Variants in ESYT2 observed in about 807,000 individuals in gnomAD.
ESYT2 encodes extended synaptotagmin-2.
A neutral mutation model predicts 107.2 loss-of-function variants in ESYT2; 54 were observed. That is an observed-to-expected ratio of 0.50 (90% CI 0.40 to 0.63). ESYT2 has a LOEUF of 0.63. Ranked by LOEUF, ESYT2 falls within the 30% of genes least tolerant of loss-of-function variation. ESYT2 has a pLI of 0.00. For synonymous variants in ESYT2, 491 were observed against 434.1 expected, an observed-to-expected ratio of 1.13 and a Z score of -1.63; for missense variants, 1,020 against 1,094.5, an observed-to-expected ratio of 0.93 and a Z score of 0.96.
intron 1 of ESYT2, among the ~76,000 whole-genome samples, chr7:158,800,853 C>T (rs929804894): frequency 2.6e-5 from 4 of 152,090 alleles, no homozygotes; most frequent in African/African-American, 7.2e-5. Flanking sequence ...CTCAGCCTCC[C>T]GAGAAGCTGG....
chr7:158,772,374 A>G (rs556560040), intron 7 of ESYT2, among the ~76,000 whole-genome samples: 1 of 152,348 alleles, frequency 6.6e-6, no homozygotes, highest in South Asian at 2.1e-4. Context: ...AAAACTCTTT[A>G]GAAAGGCCAT....
intron 6 of ESYT2, among the ~76,000 whole-genome samples, chr7:158,783,531 CT>C (rs1437032620): frequency 6.6e-6 from 1 of 152,202 alleles, no homozygotes; most frequent in Non-Finnish European, 1.5e-5. Flanking sequence ...AGTCCCAGGA[CT>C]TCTGAGAGCT....
chr7:158,745,509 G>T (rs1002438910), intron 16 of ESYT2, among the ~76,000 whole-genome samples: 6 of 152,214 alleles, frequency 3.9e-5, no homozygotes, highest in African/African-American at 1.4e-4. Context: ...CTGACCTACT[G>T]ACATTCATGA....
In ESYT2 at chr7:158,781,261, GA is replaced by G. The variant is rs761797992; in HGVS notation, c.747+6742del. Among the ~76,000 whole-genome samples the G allele has an allele frequency of 9.1e-4, 137 of 151,104 alleles. No individual in the cohort carries two copies. The South Asian group carries it at 0.015, about 16-fold the overall frequency. On this transcript the variant is annotated intron_variant, in intron 6 of 22. Transcript: ENST00000275418. ...AGAATGAGTGAGAACCAGTGTGAGT[GA>G]ACAAGTGAGTGAACGAGTGTGAGAA...
At chr7:158,814,301 A>G (rs1840081223) in intron 1 of ESYT2, among the ~76,000 whole-genome samples, 1 of 4,834 alleles carries the variant, frequency 2.1e-4, no homozygotes, top group Non-Finnish European at 7.3e-4. Flanking sequence ...ATATATATAT[A>G]TATATATATA....
chr7:158,782,301 T>C (rs1838894544), intron 6 of ESYT2, among the ~76,000 whole-genome samples: 1 of 121,670 alleles, frequency 8.2e-6, no homozygotes. Flanking sequence ...GTGAAACAAG[T>C]GAACAAGTGT....
At chr7:158,788,320 T>A in intron 5 of ESYT2, 25 bp downstream of exon 5, 1 of 1,584,306 alleles carries the variant, frequency 6.3e-7, no homozygotes, top group Non-Finnish European at 8.6e-7. Flanking sequence ...ACTGTCAAAT[T>A]AAAACAAAAA....
chr7:158,783,051 G>T (rs1298635174), intron 6 of ESYT2, among the ~76,000 whole-genome samples: 1 of 152,170 alleles, frequency 6.6e-6, no homozygotes, highest in Non-Finnish European at 1.5e-5. Flanking sequence ...CGTGCCTCAG[G>T]ATGCTGGGAG....
intron 19 of ESYT2, among the ~76,000 whole-genome samples, chr7:158,738,358 C>A (rs1246978990): frequency 5.1e-4 from 76 of 150,364 alleles, no homozygotes; most frequent in Middle Eastern, 3.4e-3. Context: ...CACACACACA[C>A]ACACACACAC....
intron 6 of ESYT2, among the ~76,000 whole-genome samples, chr7:158,774,187 T>C (rs985830933): frequency 5.9e-5 from 9 of 152,244 alleles, no homozygotes; most frequent in African/African-American, 2.2e-4. Context: ...ATCACCCATA[T>C]AGTTGAGTAA....
At chr7:158,742,439 A>C (rs1218476769) in intron 17 of ESYT2, among the ~76,000 whole-genome samples, 1 of 152,202 alleles carries the variant, frequency 6.6e-6, no homozygotes, top group African/African-American at 2.4e-5. Context: ...ATTTCTACAC[A>C]ATTGTGGGAC....
At chr7:158,782,218 AAC>A (rs1280005922) in intron 6 of ESYT2, among the ~76,000 whole-genome samples, 1 of 119,952 alleles carries the variant, frequency 8.3e-6, no homozygotes, top group African/African-American at 2.9e-5. Context: ...AACGTGTGAG[AAC>A]AGATGTGAGT....
Position 158,788,005 on chromosome 7 carries a change from G to A in ESYT2, c.746C>T (p.Pro249Leu). The stretch of plus-strand genomic sequence containing the variant: ...AAAATGAAATAAATATTGACTTACT[G>A]GTTTCCTAAGGAAGAAGATAGACAA... ...GALSIFFLRK[P>L]LLEINWTGLT... The change falls in exon 6 of 23, where the codon CCA becomes CTA. Residue 249 changes from proline to leucine, a missense_variant and splice_region_variant. By Grantham distance (98) the Pro-to-Leu change is moderately conservative (BLOSUM62 -3). Transcript: ENST00000275418. 6.2e-7 allele frequency: 1 copy of A among 1,610,178 alleles called. No individual in the cohort carries two copies. The highest frequency in any genetic ancestry group is 8.5e-7 in the Non-Finnish European group (1 of 1,176,636).
chr7:158,731,714 C>T lies in ESYT2; in HGVS notation c.*2493G>A, dbSNP rs1019932199. ...CTAACAGAGCTGCACTTCAAATTTA[C>T]TAAGTTAATTAATTTTCCCTTCATT... On this transcript the variant is annotated 3_prime_UTR_variant, in exon 23 of 23. Coordinates refer to ENST00000275418, the MANE Select transcript of ESYT2 (RefSeq NM_001367773.1). The T allele has an allele frequency of 6.6e-6, 1 of 152,656 alleles. No individual in the cohort carries two copies. The highest frequency in any genetic ancestry group is 1.5e-5 in the Non-Finnish European group (1 of 68,042). The allele number at this position is 152,656 out of a possible 1,614,324, so 9.5% of individuals were successfully genotyped here. A position where few individuals can be genotyped will look rare whatever the true frequency, so the allele number is the denominator to read the frequency against.
chr7:158,807,254 GAAAAA>G (rs372309924), intron 1 of ESYT2, among the ~76,000 whole-genome samples: 45 of 117,232 alleles, frequency 3.8e-4, no homozygotes, highest in Middle Eastern at 4.5e-3. Flanking sequence ...CCGTCTGAAG[GAAAAA>G]AAAAAAAAAA....
At chr7:158,814,287 T>TTA (rs58908927) in intron 1 of ESYT2, among the ~76,000 whole-genome samples, 2 of 66,908 alleles carry the variant, frequency 3.0e-5, no homozygotes, top group African/African-American at 1.4e-4. Context: ...AAAAAAAAAA[T>TTA]TATATATATA....
chr7:158,746,179 G>A (rs1837392998), intron 16 of ESYT2, among the ~76,000 whole-genome samples: 1 of 151,764 alleles, frequency 6.6e-6, no homozygotes, highest in Non-Finnish European at 1.5e-5. Context: ...TCAGGAGTTC[G>A]AGACCAGCCT....
intron 7 of ESYT2, among the ~76,000 whole-genome samples, chr7:158,770,794 C>A (rs1838339338): frequency 6.6e-6 from 1 of 152,078 alleles, no homozygotes. Flanking sequence ...GGATTACAGG[C>A]GTGAGCCACC....
intron 15 of ESYT2, among the ~76,000 whole-genome samples, chr7:158,749,322 T>C (rs541314253): frequency 6.6e-6 from 1 of 152,252 alleles, no homozygotes; most frequent in African/African-American, 2.4e-5. Context: ...TTTCACCGTA[T>C]TGGCCAGGCT....
Sources: allele counts gnomAD v4.1 joint callset (sites outside exome capture counted in the v4.1 genomes callset), GRCh38; gene constraint gnomAD v4.1.1; transcripts MANE v1.5; gene names NCBI Gene and HGNC (gene_info 2026-07-23, HGNC 2026-07-21).